The following THSD7B variants were observed in gnomAD, a reference collection of about 807,000 sequenced individuals.
THSD7B encodes thrombospondin type-1 domain-containing protein 7B.
Under a neutral mutation model 213.6 loss-of-function variants are expected in THSD7B, and 138 were observed. The observed-to-expected ratio is 0.65, with a 90% CI of 0.56 to 0.74. The LOEUF (loss-of-function observed/expected upper bound fraction) is 0.74, where lower values mean the gene tolerates loss of function less well. THSD7B is among the 30% of genes least tolerant of loss of function. THSD7B has a pLI of 0.00. For missense variants in THSD7B, 1,931 were observed against 1,991.5 expected, an observed-to-expected ratio of 0.97 and a Z score of 0.58; for synonymous variants, 742 against 687.0, an observed-to-expected ratio of 1.08 and a Z score of -1.25.
At position 137,284,103 on chromosome 2, in the gene THSD7B, C is replaced by T. The variant is rs562071940; in HGVS notation, c.2500+8077C>T. On this transcript the variant is annotated intron_variant, in intron 12 of 27. Transcript: ENST00000409968. ...CCTGTTATTGGTCTATTCAGAGATTCCACTTCTTCCTGGTTTAGTCTTGGG... is the reference window on the plus strand; with the variant it reads ...CCTGTTATTGGTCTATTCAGAGATTTCACTTCTTCCTGGTTTAGTCTTGGG... 2.6e-5 allele frequency among the ~76,000 whole-genome samples: 4 copies of T among 152,180 alleles called. No homozygotes were observed. In the South Asian group the frequency reaches 8.4e-4, roughly 32 times the overall value.
chr2:137,517,962 G>A (rs1680105303), intron 15 of THSD7B, among the ~76,000 whole-genome samples: 2 of 152,092 alleles, frequency 1.3e-5, no homozygotes, highest in African/African-American at 4.8e-5. Context: ...TCATGAACTG[G>A]GCGCTTTCTG....
chr2:137,183,555 A>G (rs1173190565), intron 7 of THSD7B, among the ~76,000 whole-genome samples: 3 of 152,162 alleles, frequency 2.0e-5, no homozygotes, highest in Non-Finnish European at 2.9e-5. Context: ...GTCTGAGATC[A>G]CGTTCTTAAA....
At chr2:137,186,766 A>G (rs184839947) in intron 7 of THSD7B, among the ~76,000 whole-genome samples, 61 of 152,242 alleles carry the variant, frequency 4.0e-4, no homozygotes, top group African/African-American at 1.3e-3. Flanking sequence ...TTGTAGTTTG[A>G]TAGAAATAGT....
intron 12 of THSD7B, among the ~76,000 whole-genome samples, chr2:137,299,549 C>T (rs4954495): frequency 0.098 from 14,901 of 151,946 alleles, 1,276 homozygotes; most frequent in East Asian, 0.43. Context: ...TTTTATTTCC[C>T]AGAATTCTGA....
At chr2:137,490,883 A>G (rs776983027) in intron 15 of THSD7B, among the ~76,000 whole-genome samples, 39 of 152,258 alleles carry the variant, frequency 2.6e-4, no homozygotes, top group Admixed American at 4.6e-4. Flanking sequence ...TAGAAAAATA[A>G]TAAATTCAAG....
chr2:137,175,896 T>C (rs954023857), intron 7 of THSD7B, among the ~76,000 whole-genome samples: 16 of 152,332 alleles, frequency 1.1e-4, no homozygotes, highest in African/African-American at 3.6e-4. Flanking sequence ...CCAGACTCCA[T>C]TCAAATAAAA....
intron 4 of THSD7B, among the ~76,000 whole-genome samples, chr2:137,106,684 A>C (rs1425424230): frequency 6.6e-6 from 1 of 152,230 alleles, no homozygotes; most frequent in African/African-American, 2.4e-5. Context: ...CAAGGAACTT[A>C]AACAAATTTA....
At chr2:137,546,363 T>TA (rs1491389990) in intron 15 of THSD7B, among the ~76,000 whole-genome samples, 2 of 44,142 alleles carry the variant, frequency 4.5e-5, no homozygotes, top group African/African-American at 2.0e-4. Flanking sequence ...ATATATATAT[T>TA]ATATATATAT....
At chr2:137,413,114 A>G (rs1686708808) in intron 14 of THSD7B, among the ~76,000 whole-genome samples, 1 of 152,174 alleles carries the variant, frequency 6.6e-6, no homozygotes, top group Non-Finnish European at 1.5e-5. Context: ...TCATTATACA[A>G]TGAGATTTAA....
At chr2:136,999,425 T>G (rs565920608) in intron 2 of THSD7B, among the ~76,000 whole-genome samples, 1 of 151,818 alleles carries the variant, frequency 6.6e-6, no homozygotes, top group Admixed American at 6.6e-5. Context: ...AGATTTTAGG[T>G]AAAAGTAATG....
intron 2 of THSD7B, among the ~76,000 whole-genome samples, chr2:136,986,680 C>T (rs1685679549): frequency 6.6e-6 from 1 of 152,096 alleles, no homozygotes. Flanking sequence ...AAATGTCAAA[C>T]AGCGCTAGTG....
intron 7 of THSD7B, among the ~76,000 whole-genome samples, chr2:137,202,112 G>T (rs1280408478): frequency 6.6e-6 from 1 of 152,052 alleles, no homozygotes; most frequent in East Asian, 1.9e-4. Flanking sequence ...GAGATTCTTT[G>T]TTCCCATGTA....
At position 137,572,440 on chromosome 2, in the gene THSD7B, G is replaced by C; in HGVS notation, c.3307G>C (p.Val1103Leu). Residue 1103 changes from valine to leucine, a missense_variant, in exon 17 of 28, where the codon GTG becomes CTG. Transcript: ENST00000409968. ...VNTADGEGGA[V>L]DSNLCNQDEI... is the part of the protein sequence containing the mutation. ...TACTGCGGATGGTGAAGGTGGAGCA[G>C]TGGATAGCAACCTGTGCAACCAGGA... is the stretch of plus-strand genomic sequence containing the variant. The C allele has an allele frequency of 6.2e-7, 1 of 1,613,978 alleles. No homozygotes were observed. Among genetic ancestry groups the C allele is most frequent in the East Asian group, 2.2e-5 (1 of 44,876 alleles).
intron 6 of THSD7B, among the ~76,000 whole-genome samples, chr2:137,166,885 A>T (rs965768123): frequency 3.3e-5 from 5 of 151,984 alleles, no homozygotes; most frequent in Non-Finnish European, 7.4e-5. Context: ...CGTTCTGTTA[A>T]CTTCTCATTC....
chr2:136,787,666 G>A (rs1573638120), intron 1 of THSD7B, among the ~76,000 whole-genome samples: 1 of 152,178 alleles, frequency 6.6e-6, no homozygotes, highest in East Asian at 1.9e-4. Flanking sequence ...TAGTGGGTAT[G>A]GTAGATTGTA....
intron 12 of THSD7B, among the ~76,000 whole-genome samples, chr2:137,383,459 T>C (rs1685824261): frequency 6.6e-6 from 1 of 152,184 alleles, no homozygotes; most frequent in Non-Finnish European, 1.5e-5. Flanking sequence ...CCAAGACCTG[T>C]GTCTCCCTTG....
intron 5 of THSD7B, among the ~76,000 whole-genome samples, chr2:137,139,097 T>C (rs912041818): frequency 2.0e-5 from 3 of 152,182 alleles, no homozygotes; most frequent in African/African-American, 7.2e-5. Flanking sequence ...TTTATATTGG[T>C]TTTTCTCTTT....
intron 12 of THSD7B, among the ~76,000 whole-genome samples, chr2:137,348,154 A>G (rs888602936): frequency 6.6e-6 from 1 of 151,720 alleles, no homozygotes; most frequent in African/African-American, 2.4e-5. Flanking sequence ...AAAGAACCAA[A>G]TGCAAAATTT....
intron 1 of THSD7B, among the ~76,000 whole-genome samples, chr2:136,801,214 T>C (rs1169819270): frequency 6.6e-6 from 1 of 152,130 alleles, no homozygotes; most frequent in African/African-American, 2.4e-5. Flanking sequence ...CAAATAATTT[T>C]AGACTAAAAT....
Sources: gnomAD v4.1 joint callset for allele counts (sites outside exome capture counted in the v4.1 genomes callset) on GRCh38, gnomAD v4.1.1 for gene constraint, MANE v1.5 for transcripts, NCBI Gene and HGNC (gene_info 2026-07-23, HGNC 2026-07-21) for gene names.